The following TG variants were observed in gnomAD, a reference collection of about 807,000 sequenced individuals.
TG encodes thyroid hormones.
A neutral mutation model predicts 324.7 loss-of-function variants in TG; 270 were observed. The ratio of observed to expected loss-of-function variants is 0.83; its 90% CI spans 0.75 to 0.92. The LOEUF (loss-of-function observed/expected upper bound fraction) is 0.92. TG is among the 40% of genes least tolerant of loss of function. The probability of loss-of-function intolerance (pLI) is 0.00; values close to 1 mark genes in which losing one functional copy is unlikely to be tolerated. For missense variants in TG, 3,591 were observed against 3,456.4 expected (o/e 1.04, Z -0.98); for synonymous variants, 1,401 against 1,327.0 (o/e 1.06, Z -1.21).
intron 5 of TG, among the ~76,000 whole-genome samples, chr8:132,874,835 C>G (rs989613966): frequency 3.9e-5 from 6 of 152,366 alleles, no homozygotes; most frequent in African/African-American, 1.4e-4. Flanking sequence ...CACGCACGCA[C>G]TCACTGGTGG....
intron 34 of TG, among the ~76,000 whole-genome samples, chr8:132,981,371 A>G (rs1014550827): frequency 1.3e-5 from 2 of 152,226 alleles, no homozygotes; most frequent in Admixed American, 1.3e-4. Context: ...GTAAATTTCT[A>G]GGAGCAGAAT....
chr8:132,962,735 A>G (rs984746737), intron 28 of TG, among the ~76,000 whole-genome samples: 1 of 152,232 alleles, frequency 6.6e-6, no homozygotes, highest in African/African-American at 2.4e-5. Context: ...ATTTATGAGC[A>G]TATTTTGTTA....
chr8:132,967,730 G>T, intron 30 of TG, 64 bp from the exon 31 acceptor site: 12 of 1,573,334 alleles, frequency 7.6e-6, no homozygotes, highest in Non-Finnish European at 1.0e-5. Flanking sequence ...AGAGAATCCT[G>T]TAGAGATTAT....
At chr8:133,132,004 C>T in intron 46 of TG, 58 bp downstream of exon 46, 1 of 1,611,642 alleles carries the variant, frequency 6.2e-7, no homozygotes, top group Non-Finnish European at 8.5e-7. Flanking sequence ...CCGCTTCCTT[C>T]AAGCAGAACG....
chr8:133,039,495 C>G (rs1837749257), intron 41 of TG, among the ~76,000 whole-genome samples: 1 of 152,088 alleles, frequency 6.6e-6, no homozygotes, highest in Non-Finnish European at 1.5e-5. Context: ...CCCACCAATC[C>G]CAAACTACAG....
Position 133,007,229 on chromosome 8 carries a change from G to A in TG, c.6263-4672G>A, listed in dbSNP as rs562979968. ...AATGTCATGGGACTGGAGTGGCGCT[G>A]GAAGGAGTAAGACCGGGAGAAGGGG... On this transcript the variant is annotated intron_variant, in intron 35 of 47. Coordinates refer to ENST00000220616, the MANE Select transcript of TG (RefSeq NM_003235.5). Among the ~76,000 whole-genome samples the A allele has an allele frequency of 4.3e-4, 65 of 152,190 alleles. 1 individual carries two copies. Among genetic ancestry groups the A allele is most frequent in the South Asian group, 4.2e-3 (20 of 4,810 alleles).
chr8:133,018,061 C>A, intron 38 of TG, 64 bp downstream of exon 38: 1 of 1,495,984 alleles, frequency 6.7e-7, no homozygotes, highest in Non-Finnish European at 9.2e-7. Flanking sequence ...TCTAATCTAT[C>A]CAAATGGGAC....
At chr8:132,967,482 T>A (rs1828795827) in intron 30 of TG, among the ~76,000 whole-genome samples, 1 of 152,192 alleles carries the variant, frequency 6.6e-6, no homozygotes, top group Non-Finnish European at 1.5e-5. Context: ...AGATCCTGAC[T>A]TCCTCTGAGA....
At chr8:132,916,839 C>G (rs994726265) in intron 20 of TG, among the ~76,000 whole-genome samples, 1 of 152,164 alleles carries the variant, frequency 6.6e-6, no homozygotes, top group African/African-American at 2.4e-5. Context: ...TTTTCATATT[C>G]CATTCTGGAT....
chr8:133,020,698 TC>T (rs2130933893), intron 39 of TG, among the ~76,000 whole-genome samples: 1 of 152,200 alleles, frequency 6.6e-6, no homozygotes, highest in Non-Finnish European at 1.5e-5. Context: ...AGCCCCTTCC[TC>T]TCTGAAAGGC....
At position 132,948,863 on chromosome 8, in the gene TG, A is replaced by G. The variant is rs748921152; in HGVS notation, c.5321A>G (p.Asn1774Ser). The G allele has an allele frequency of 8.7e-6, 14 of 1,614,134 alleles. No homozygotes were observed. Among genetic ancestry groups the G allele is most frequent in the Non-Finnish European group, 1.2e-5 (14 of 1,180,038 alleles). Residue 1774 changes from asparagine to serine, a missense_variant, in exon 27 of 48, where the codon AAT becomes AGT. Physicochemically the swap from Asn to Ser is conservative, Grantham distance 46. Transcript: ENST00000220616. The stretch of plus-strand genomic sequence containing the variant: ...ATGGATCCCTCTGAAGCCTGGGCTA[A>G]TGCTACATGTCCTGGTGTGACATAT... ...DWMDPSEAWA[N>S]ATCPGVTYDQ... is the part of the protein sequence containing the mutation.
At chr8:132,929,292 T>C (rs1473575892) in intron 23 of TG, 100 bp downstream of exon 23, 1 of 884,310 alleles carries the variant, frequency 1.1e-6, no homozygotes, top group Non-Finnish European at 1.9e-6. Flanking sequence ...AAAACTATAA[T>C]TTAAAAACAT....
In TG at chr8:133,011,981, G is replaced by A. The variant is rs746778671; in HGVS notation, c.6343G>A (p.Val2115Ile). 6.8e-6 allele frequency: 11 copies of A among 1,614,194 alleles called. No individual in the cohort carries two copies. Among genetic ancestry groups the A allele is most frequent in the Non-Finnish European group, 8.5e-6 (10 of 1,180,034 alleles). The change falls in exon 36 of 48, where the codon GTC becomes ATC. Residue 2115 changes from valine (V) to isoleucine (I), a missense_variant. Physicochemically the swap from Val to Ile is conservative, Grantham distance 29. Coordinates refer to ENST00000220616, the MANE Select transcript of TG (RefSeq NM_003235.5). ...PSIRHFDVAH[V>I]STAATSNFSA... ...CATTAGGCACTTTGATGTTGCCCAT[G>A]TCAGCACTGCTGCCACCAGCAATTT... is the stretch of plus-strand genomic sequence containing the variant.
At chr8:132,907,827 C>T (rs1236673680) in intron 17 of TG, among the ~76,000 whole-genome samples, 6 of 152,112 alleles carry the variant, frequency 3.9e-5, no homozygotes, top group African/African-American at 1.2e-4. Flanking sequence ...TTAGAGAATA[C>T]CATTCATTCC....
In TG at chr8:133,049,786, CTCT is replaced by C. The variant is rs1185963123; in HGVS notation, c.7239+19768_7239+19770del. The C allele has an allele frequency of 3.9e-6, 3 of 767,928 alleles. No individual in the cohort carries two copies. The African/African-American group carries it at 5.1e-5, about 13-fold the overall frequency. The allele number at this position is 767,928 out of a possible 1,614,324, so 47.6% of individuals were successfully genotyped here. On this transcript the variant is annotated intron_variant, in intron 41 of 47. Coordinates refer to ENST00000220616, the MANE Select transcript of TG (RefSeq NM_003235.5). ...TTGACTGGGTTGGGAGCAGGACTATCTCTTCTTGACCCAGTGCCTTCCTTACCA... is the reference window on the plus strand; with the variant it reads ...TTGACTGGGTTGGGAGCAGGACTATCTCTTGACCCAGTGCCTTCCTTACCA...
In TG at chr8:132,887,377, A is replaced by C; in HGVS notation, c.2005A>C (p.Met669Leu). Residue 669 changes from methionine to leucine, a missense_variant, in exon 9 of 48, where the codon ATG becomes CTG. Physicochemically the swap from Met to Leu is conservative, Grantham distance 15. Coordinates refer to ENST00000220616, the MANE Select transcript of TG (RefSeq NM_003235.5). ...AGACTGTGAAAAGCAAAGGGCTCGC[A>C]TGCAAAGCCTCATGGGCAGCCAGCC... Reference protein sequence around the residue: ...PTDCEKQRARMQSLMGSQPAG... With the variant: ...PTDCEKQRARLQSLMGSQPAG... The C allele has an allele frequency of 1.2e-6, 2 of 1,614,214 alleles. No homozygotes were observed. The highest frequency in any genetic ancestry group is 8.5e-7 in the Non-Finnish European group (1 of 1,180,016).
intron 1 of TG, among the ~76,000 whole-genome samples, chr8:132,867,828 C>T (rs1170010262): frequency 1.3e-5 from 2 of 152,202 alleles, no homozygotes; most frequent in Non-Finnish European, 2.9e-5. Context: ...TTTTGGGATC[C>T]TTCACTTGCC....
At chr8:133,031,029 G>C (rs141124360) in intron 41 of TG, among the ~76,000 whole-genome samples, 2 of 152,148 alleles carry the variant, frequency 1.3e-5, no homozygotes, top group East Asian at 3.9e-4. Flanking sequence ...TAAGTGTTCC[G>C]TTCATTGGGA....
chr8:132,963,162 G>C, intron 29 of TG, 88 bp downstream of exon 29: 1 of 1,130,416 alleles, frequency 8.8e-7, no homozygotes, highest in Middle Eastern at 2.0e-4. Context: ...ATGAACGGAC[G>C]TATTGACATC....
Sources: gnomAD v4.1 joint callset for allele counts (sites outside exome capture counted in the v4.1 genomes callset) on GRCh38, gnomAD v4.1.1 for gene constraint, MANE v1.5 for transcripts, NCBI Gene and HGNC (gene_info 2026-07-23, HGNC 2026-07-21) for gene names.